Variants in NTRK1 observed in about 807,000 individuals in gnomAD.
NTRK1 encodes high affinity nerve growth factor receptor.
Under a neutral mutation model 86.8 loss-of-function variants are expected in NTRK1, and 62 were observed. That is an observed-to-expected ratio of 0.71 (90% CI 0.58 to 0.88). The LOEUF (loss-of-function observed/expected upper bound fraction) is 0.88. Ranked by LOEUF, NTRK1 falls within the 40% of genes least tolerant of loss-of-function variation. The probability of loss-of-function intolerance (pLI) is 0.00; values close to 1 mark genes in which losing one functional copy is unlikely to be tolerated. For missense variants in NTRK1, 967 were observed against 1,078.4 expected (o/e 0.90, Z 1.45); for synonymous variants, 469 against 456.6 (o/e 1.03, Z -0.35).
chr1:156,865,148 C>T, intron 3 of NTRK1: 1 of 348,854 alleles, frequency 2.9e-6, no homozygotes, highest in Non-Finnish European at 5.5e-6. Flanking sequence ...ACTCCATTTC[C>T]CAGGGACTCA....
chr1:156,844,880 GGTTCATCTCACCTTAT>G, intron 2 of NTRK1: 1 of 1,611,946 alleles, frequency 6.2e-7, no homozygotes, highest in Non-Finnish European at 8.5e-7. Flanking sequence ...GGCCAAAAGT[GGTTCATCTCACCTTAT>G]GTTCAAACCC....
At chr1:156,874,686 A>C (rs2102910676) in intron 10 of NTRK1, 60 bp downstream of exon 10, 119 of 1,520,466 alleles carry the variant, frequency 7.8e-5, no homozygotes, top group Non-Finnish European at 9.5e-5. Context: ...GTAGAGGCTC[A>C]TCTGCATGTC....
rs548517957 is a variant in NTRK1 at position 156,840,757 on chromosome 1, C to T, written c.-63-1324C>T. On this transcript the variant is annotated intron_variant, in intron 1 of 16. Coordinates refer to the NTRK1 transcript ENST00000392302. ...CCCTGCTCCTGTTCTCTGCCCCACC[C>T]TCGGCCATCCCTTGCCCTGAGTTGG... The T allele has an allele frequency of 9.7e-5, 77 of 797,714 alleles. No individual in the cohort carries two copies. In the Middle Eastern group the frequency reaches 1.4e-3, roughly 15 times the overall value. The allele number at this position is 797,714 out of a possible 1,614,324, so 49.4% of individuals were successfully genotyped here. A position where few individuals can be genotyped will look rare whatever the true frequency, so the allele number is the denominator to read the frequency against.
intron 2 of NTRK1, chr1:156,844,267 A>T: frequency 6.2e-7 from 1 of 1,613,270 alleles, no homozygotes; most frequent in Non-Finnish European, 8.5e-7. Context: ...GCAGCCCCCC[A>T]GCATCCTCCT....
chr1:156,881,447 G>A lies in NTRK1; in HGVS notation c.2206-10G>A, dbSNP rs2102930477. ...GTGGGCTTTCTCCTCTGTCTCTCCG[G>A]TGGCCCCAGGCAATCGACTGCATCA... On this transcript the variant is annotated splice_polypyrimidine_tract_variant and intron_variant, in intron 16 of 16. Coordinates refer to ENST00000524377, the MANE Select transcript of NTRK1 (RefSeq NM_002529.4). 1 of 1,556,838 alleles carries A rather than the reference G, an allele frequency of 6.4e-7. No homozygotes were observed. Among genetic ancestry groups the A allele is most frequent in the Non-Finnish European group, 8.7e-7 (1 of 1,150,206 alleles).
intron 8 of NTRK1, 174 bp downstream of exon 8, chr1:156,874,133 C>T (rs1647747715): frequency 9.3e-6 from 8 of 856,830 alleles, no homozygotes; most frequent in African/African-American, 3.3e-5. Context: ...CAAGCCAGGA[C>T]TCCTGAACTC....
chr1:156,824,609 G>A (rs1039868039), intron 1 of NTRK1, among the ~76,000 whole-genome samples: 9 of 152,272 alleles, frequency 5.9e-5, no homozygotes, highest in East Asian at 1.9e-4. Flanking sequence ...TGGTCACTTG[G>A]TGCCCATTGG....
chr1:156,863,104 T>C (rs1481831651), intron 1 of NTRK1, among the ~76,000 whole-genome samples: 1 of 152,034 alleles, frequency 6.6e-6, no homozygotes, highest in Admixed American at 6.5e-5. Context: ...AACATGTCAC[T>C]ACAGGGCAGC....
chr1:156,868,063 G>T (rs1330085122), intron 4 of NTRK1, 41 bp from the exon 5 acceptor site: 1 of 1,612,448 alleles, frequency 6.2e-7, no homozygotes, highest in South Asian at 1.1e-5. Flanking sequence ...GATCCCTCAG[G>T]CCCTTTCCTT....
intron 14 of NTRK1, among the ~76,000 whole-genome samples, 154 bp from the exon 15 acceptor site, chr1:156,878,968 C>T (rs1416697870): frequency 1.3e-5 from 2 of 152,198 alleles, no homozygotes; most frequent in Admixed American, 1.3e-4. Flanking sequence ...TCCATCCCAC[C>T]CCTCTGGACA....
At chr1:156,881,322 G>T in intron 16 of NTRK1, 135 bp from the exon 17 acceptor site, 1 of 755,746 alleles carries the variant, frequency 1.3e-6, no homozygotes, top group Non-Finnish European at 2.1e-6. Flanking sequence ...GTGTCCATTC[G>T]GGTTATTAGC....
chr1:156,837,049 G>A (rs1054491074), intron 1 of NTRK1, among the ~76,000 whole-genome samples: 1 of 152,190 alleles, frequency 6.6e-6, no homozygotes, highest in Non-Finnish European at 1.5e-5. Flanking sequence ...CAACAGCAAG[G>A]ACATCAGAAC....
At chr1:156,853,821 G>C in intron 2 of NTRK1, 1 of 1,613,560 alleles carries the variant, frequency 6.2e-7, no homozygotes, top group Non-Finnish European at 8.5e-7. Flanking sequence ...TTGGCACAGG[G>C]CTCACCAGCA....
chr1:156,876,049 G>A (rs747815041), intron 12 of NTRK1, 31 bp from the exon 13 acceptor site: 2 of 1,614,112 alleles, frequency 1.2e-6, no homozygotes, highest in Non-Finnish European at 1.7e-6. Flanking sequence ...CCAAGACTGG[G>A]GCTACCGTCT....
chr1:156,881,836 A>G lies in NTRK1; in HGVS notation c.*194A>G. Reference sequence around the variant, plus strand: ...GGCAAGGTCCCGTCATAGCAATTATATTTATTATCCCTTGGCTGTGTCTCT... The same window carrying G: ...GGCAAGGTCCCGTCATAGCAATTATGTTTATTATCCCTTGGCTGTGTCTCT... On this transcript the variant is annotated 3_prime_UTR_variant, in exon 17 of 17. Transcript: ENST00000524377. 1 of 582,086 alleles carries G rather than the reference A, an allele frequency of 1.7e-6. No homozygotes were observed. The highest frequency in any genetic ancestry group is 2.9e-6 in the Non-Finnish European group (1 of 339,238). The allele number at this position is 582,086 out of a possible 1,614,324, so 36.1% of individuals were successfully genotyped here.
rs532604169 is a variant in NTRK1, at chr1:156,846,732, C to T, written c.50+4539C>T. The T allele has an allele frequency of 3.1e-5, 50 of 1,614,084 alleles. No individual in the cohort carries two copies. Among genetic ancestry groups the T allele is most frequent in the Non-Finnish European group, 3.6e-5 (43 of 1,180,020 alleles). On this transcript the variant is annotated intron_variant, in intron 2 of 16. Coordinates refer to the NTRK1 transcript ENST00000392302. ...TGGGTTCCACAAGCATCTGGACCCA[C>T]GTGCTCTGTGGCGTTCTGGAATGGG...
At chr1:156,863,969 C>T (rs563124823) in intron 1 of NTRK1, among the ~76,000 whole-genome samples, 4 of 152,200 alleles carry the variant, frequency 2.6e-5, no homozygotes, top group South Asian at 2.1e-4. Flanking sequence ...CATGGGTGAG[C>T]GTGTTCCTGC....
intron 2 of NTRK1, chr1:156,848,932 G>A: frequency 6.3e-7 from 1 of 1,578,904 alleles, no homozygotes; most frequent in Non-Finnish European, 8.6e-7. Flanking sequence ...ACTCCTTGTA[G>A]TACACGATGA....
chr1:156,823,868 A>G (rs1362244157), intron 1 of NTRK1, among the ~76,000 whole-genome samples: 1 of 152,160 alleles, frequency 6.6e-6, no homozygotes, highest in Non-Finnish European at 1.5e-5. Flanking sequence ...GGGATGAATT[A>G]TCCTGCCCAG....
Sources: gnomAD v4.1 joint callset for allele counts (sites outside exome capture counted in the v4.1 genomes callset) on GRCh38, gnomAD v4.1.1 for gene constraint, MANE v1.5 for transcripts, NCBI Gene and HGNC (gene_info 2026-07-23, HGNC 2026-07-21) for gene names.